Variants in NUDT3 observed in about 807,000 individuals in gnomAD.
NUDT3 encodes nudix hydrolase 3.
NUDT3 carries 9 observed loss-of-function variants against 23.6 expected under a neutral mutation model. The ratio of observed to expected loss-of-function variants is 0.38; its 90% confidence interval spans 0.23 to 0.66. The LOEUF (loss-of-function observed/expected upper bound fraction) is 0.66, where lower values mean the gene tolerates loss of function less well. NUDT3 is among the 30% of genes least tolerant of loss of function. The probability of loss-of-function intolerance (pLI) is 0.52; values close to 1 mark genes in which losing one functional copy is unlikely to be tolerated. For synonymous variants in NUDT3, 86 were observed against 82.6 expected (o/e 1.04, Z -0.22); for missense variants, 172 against 218.5 (o/e 0.79, Z 1.34).
chr6:34,366,474 A>AGGGAGGGC (rs1561920189), intron 1 of NUDT3, among the ~76,000 whole-genome samples: 2 of 6,476 alleles, frequency 3.1e-4, no homozygotes, highest in African/African-American at 4.8e-3. Flanking sequence ...GAGAGAGGGA[A>AGGGAGGGC]GGGAGGGAGG....
intron 2 of NUDT3, among the ~76,000 whole-genome samples, chr6:34,313,283 T>TG (rs1763803909): frequency 6.6e-6 from 1 of 152,178 alleles, no homozygotes; most frequent in Non-Finnish European, 1.5e-5. Context: ...ATTCCAACTA[T>TG]AAGACATTCT....
intron 1 of NUDT3, among the ~76,000 whole-genome samples, chr6:34,388,474 T>C (rs192579545): frequency 7.2e-5 from 11 of 152,338 alleles, no homozygotes; most frequent in Admixed American, 3.3e-4. Context: ...GAATGCCTTA[T>C]TCGGTTGGAA....
rs189067896 is a variant in NUDT3 at position 34,341,044 on chromosome 6, G to A, written c.210+818C>T. 3.7e-4 allele frequency among the ~76,000 whole-genome samples: 57 copies of A among 152,248 alleles called. No individual in the cohort carries two copies. In the East Asian group the frequency reaches 0.01, roughly 28 times the overall value. ...TTAGAATCAATCTTATATTCCCTCT[G>A]GAACAAGGAAATGGATTTCAAAAGC... On this transcript the variant is annotated intron_variant, in intron 2 of 4. Transcript: ENST00000607016.
chr6:34,354,246 C>T (rs1419105807), intron 1 of NUDT3, among the ~76,000 whole-genome samples: 1 of 151,678 alleles, frequency 6.6e-6, no homozygotes, highest in Admixed American at 6.6e-5. Flanking sequence ...CCTGGACTCA[C>T]GGGATCCACC....
intron 1 of NUDT3, among the ~76,000 whole-genome samples, chr6:34,385,460 T>C (rs1194935127): frequency 6.6e-6 from 1 of 152,200 alleles, no homozygotes; most frequent in African/African-American, 2.4e-5. Context: ...GTAATCTTTG[T>C]AGGGCCAAGA....
chr6:34,283,638 T>C lies in NUDT3; in HGVS notation c.*5115A>G, dbSNP rs1315713374. 6.6e-6 allele frequency: 1 copy of C among 152,174 alleles called. No homozygotes were observed. The highest frequency in any genetic ancestry group is 6.5e-5 in the Admixed American group (1 of 15,274). 9.4% of individuals were successfully genotyped at this position (152,174 alleles called of 1,614,324 possible). On this transcript the variant is annotated 3_prime_UTR_variant, in exon 5 of 5. Transcript: ENST00000607016. ...AGGTTATCAGCTAAAGACAAGAGTT[T>C]CTGAGGCTAATGCAAAAACATGGTC...
rs538229611 is a variant in NUDT3, at chr6:34,307,772, A to G, written c.211-12087T>C. ...GGCAATGGACAGAAAGCTATCAAAC[A>G]TGGGAGATATTAATCCAACTACACT... On this transcript the variant is annotated intron_variant, in intron 2 of 4. Transcript: ENST00000607016. Among the ~76,000 whole-genome samples, 169 of 152,228 alleles carry G rather than the reference A, an allele frequency of 1.1e-3. 1 individual carries two copies. The highest frequency in any genetic ancestry group is 7.7e-3 in the South Asian group (37 of 4,824).
At position 34,392,380 on chromosome 6, in the gene NUDT3, G is replaced by C. The variant is rs1393368472; in HGVS notation, c.-18C>G. 6.3e-7 allele frequency: 1 copy of C among 1,591,464 alleles called. No individual in the cohort carries two copies. Among genetic ancestry groups the C allele is most frequent in the South Asian group, 1.1e-5 (1 of 89,228 alleles). Reference sequence around the variant, plus strand: ...TTCATCATCCTCCGGGCCCGGGTGGGGGTGCGGTGCGGGTCGCAGGAGTCG... The same window carrying C: ...TTCATCATCCTCCGGGCCCGGGTGGCGGTGCGGTGCGGGTCGCAGGAGTCG... On this transcript the variant is annotated 5_prime_UTR_variant, in exon 1 of 5. Transcript: ENST00000607016.
At chr6:34,321,653 C>T (rs759811724) in intron 2 of NUDT3, among the ~76,000 whole-genome samples, 1 of 152,070 alleles carries the variant, frequency 6.6e-6, no homozygotes, top group Admixed American at 6.6e-5. Flanking sequence ...AGATCGACCA[C>T]CACTATCTTT....
intron 1 of NUDT3, among the ~76,000 whole-genome samples, chr6:34,376,488 G>A (rs984063405): frequency 3.9e-5 from 6 of 152,102 alleles, no homozygotes; most frequent in Admixed American, 1.3e-4. Flanking sequence ...TGTTACTCAG[G>A]TTGGTCTTGA....
Position 34,293,366 on chromosome 6 carries a change from CTT to C in NUDT3, c.340+83_340+84del, listed in dbSNP as rs202064133. The C allele has an allele frequency of 2.8e-4, 434 of 1,535,596 alleles. 4 individuals are homozygous for C. In the East Asian group the frequency reaches 8.4e-3, roughly 30 times the overall value. On this transcript the variant is annotated intron_variant, in intron 4 of 4. Transcript: ENST00000607016. Reference sequence around the variant, plus strand: ...TGTGAGCCACTGAGCCTGGTACGCTCTTGTTTCTGGTTCTGGTCATGACCTGT... The same window carrying C: ...TGTGAGCCACTGAGCCTGGTACGCTCGTTTCTGGTTCTGGTCATGACCTGT...
intron 2 of NUDT3, among the ~76,000 whole-genome samples, chr6:34,303,197 A>ATTTT (rs55915428): frequency 5.9e-4 from 44 of 74,556 alleles, no homozygotes; most frequent in African/African-American, 1.2e-3. Context: ...ATACCTGGCA[A>ATTTT]TTTTTTTTTT....
chr6:34,377,271 G>A (rs2113764623), intron 1 of NUDT3, among the ~76,000 whole-genome samples: 1 of 152,116 alleles, frequency 6.6e-6, no homozygotes, highest in Middle Eastern at 3.4e-3. Flanking sequence ...TTCCTGGACA[G>A]CAGTGGACAT....
At chr6:34,364,423 AT>A (rs1764695298) in intron 1 of NUDT3, among the ~76,000 whole-genome samples, 4 of 152,050 alleles carry the variant, frequency 2.6e-5, no homozygotes, top group African/African-American at 4.8e-5. Context: ...CTTCTGTAGA[AT>A]TTTTTTTAAT....
At chr6:34,335,719 A>C (rs1764198217) in intron 2 of NUDT3, among the ~76,000 whole-genome samples, 1 of 151,428 alleles carries the variant, frequency 6.6e-6, no homozygotes, top group East Asian at 1.9e-4. Context: ...AGTTTGTAAA[A>C]AAAAAAAGTG....
In NUDT3 at chr6:34,297,749, ATATATATATAATTT is replaced by A. The variant is rs1332404980; in HGVS notation, c.211-2078_211-2065del. 3.8e-3 allele frequency among the ~76,000 whole-genome samples: 389 copies of A among 103,324 alleles called. 10 individuals carry two copies. The highest frequency in any genetic ancestry group is 0.015 in the African/African-American group (338 of 23,116). The allele number at this position is 103,324 out of a possible 152,430, so 67.8% of individuals were successfully genotyped here. On this transcript the variant is annotated intron_variant, in intron 2 of 4. Coordinates refer to ENST00000607016, the MANE Select transcript of NUDT3 (RefSeq NM_006703.4). Reference sequence around the variant, plus strand: ...AAAAAAAATATATATATATATATATATATATATATAATTTTTTTTTTTTTTTTAGTAGAGACGGG... The same window carrying A: ...AAAAAAAATATATATATATATATATATTTTTTTTTTTTTAGTAGAGACGGG...
intron 2 of NUDT3, 119 bp from the exon 3 acceptor site, chr6:34,295,804 A>G: frequency 8.2e-7 from 1 of 1,225,576 alleles, no homozygotes; most frequent in Non-Finnish European, 1.2e-6. Context: ...GCTTGGGCAG[A>G]CTCCACGATC....
At chr6:34,316,153 C>T (rs1763854754) in intron 2 of NUDT3, among the ~76,000 whole-genome samples, 1 of 152,138 alleles carries the variant, frequency 6.6e-6, no homozygotes, top group African/African-American at 2.4e-5. Flanking sequence ...TGTGAGTCAC[C>T]ACACCTGGCC....
chr6:34,306,000 T>C (rs986882814), intron 2 of NUDT3, among the ~76,000 whole-genome samples: 1 of 152,204 alleles, frequency 6.6e-6, no homozygotes, highest in Non-Finnish European at 1.5e-5. Flanking sequence ...CTTTGTTGGG[T>C]GGAAGCTTCT....
Sources: gnomAD v4.1 joint callset for allele counts (sites outside exome capture counted in the v4.1 genomes callset) on GRCh38, gnomAD v4.1.1 for gene constraint, MANE v1.5 for transcripts, NCBI Gene and HGNC (gene_info 2026-07-23, HGNC 2026-07-21) for gene names.